RORA: variants seen among roughly 807,000 people sequenced by gnomAD.
The protein encoded by RORA is nuclear receptor ROR-alpha.
Under a neutral mutation model 69.5 loss-of-function variants are expected in RORA, and 7 were observed. That is an observed-to-expected ratio of 0.10 (90% CI 0.06 to 0.19). RORA has a LOEUF of 0.19. Among genes scored for constraint, RORA ranks in the 10% least tolerant of loss-of-function variants. The probability of loss-of-function intolerance (pLI) is 1.00; values close to 1 mark genes in which losing one functional copy is unlikely to be tolerated. For missense variants in RORA, 457 were observed against 663.0 expected (o/e 0.69, Z 3.41); for synonymous variants, 261 against 240.8 (o/e 1.08, Z -0.78).
In RORA at chr15:60,845,966, C is replaced by T. The variant is rs369730552; in HGVS notation, c.167-167280G>A. On this transcript the variant is annotated intron_variant, in intron 1 of 10. Coordinates refer to ENST00000335670, the MANE Select transcript of RORA (RefSeq NM_134261.3). ...TTCACCTTGTTAGCCAGGATGGTCT[C>T]AATCTCCTGACCTCGTGATCCGCTC... Among the ~76,000 whole-genome samples, 3 of 152,172 alleles carry T rather than the reference C, an allele frequency of 2.0e-5. No homozygotes were observed. The South Asian group carries it at 6.2e-4, about 32-fold the overall frequency.
chr15:60,704,709 C>G (rs775322670), intron 1 of RORA, among the ~76,000 whole-genome samples: 1 of 152,152 alleles, frequency 6.6e-6, no homozygotes, highest in Admixed American at 6.5e-5. Context: ...TAATCTAGGT[C>G]GGACGGGCAC....
At chr15:60,598,955 G>T (rs1003581911) in intron 2 of RORA, among the ~76,000 whole-genome samples, 3 of 152,178 alleles carry the variant, frequency 2.0e-5, no homozygotes, top group African/African-American at 7.2e-5. Flanking sequence ...CTAGTATGTC[G>T]AGAGGAAAGG....
intron 1 of RORA, among the ~76,000 whole-genome samples, chr15:60,734,598 C>A (rs2071474581): frequency 6.6e-6 from 1 of 152,180 alleles, no homozygotes; most frequent in African/African-American, 2.4e-5. Context: ...TAATGGCCCA[C>A]TGTTAGATTT....
chr15:60,548,687 G>C (rs911675662), intron 2 of RORA, among the ~76,000 whole-genome samples: 6 of 152,230 alleles, frequency 3.9e-5, no homozygotes, highest in African/African-American at 1.2e-4. Flanking sequence ...CCCCAGGCTG[G>C]AGTGCAGTGG....
At chr15:60,580,771 C>G (rs1254288300) in intron 2 of RORA, among the ~76,000 whole-genome samples, 1 of 152,184 alleles carries the variant, frequency 6.6e-6, no homozygotes, top group Non-Finnish European at 1.5e-5. Context: ...GTCTTGTGCT[C>G]CCTCTTTGAT....
At chr15:61,220,934 T>A (rs1425533449) in intron 1 of RORA, among the ~76,000 whole-genome samples, 1 of 152,028 alleles carries the variant, frequency 6.6e-6, no homozygotes, top group African/African-American at 2.4e-5. Context: ...CAGCCCCCAC[T>A]CCCCAGCCCC....
rs201659766 is a variant in RORA at position 61,053,263 on chromosome 15, A to AT, written c.166+175789dup. On this transcript the variant is annotated intron_variant, in intron 1 of 10. Coordinates refer to ENST00000335670, the MANE Select transcript of RORA (RefSeq NM_134261.3). The stretch of plus-strand genomic sequence containing the variant: ...GCATACAGCTGTCAGCTGCAAAAAC[A>AT]TTTTTTTTTTTGAACACAAAAATCA... Among the ~76,000 whole-genome samples, 794 of 148,118 alleles carry AT rather than the reference A, an allele frequency of 5.4e-3. 4 individuals carry two copies. Among genetic ancestry groups the AT allele is most frequent in the African/African-American group, 0.018 (748 of 40,514 alleles).
intron 1 of RORA, among the ~76,000 whole-genome samples, chr15:60,741,075 A>C (rs181234467): frequency 1.3e-5 from 2 of 152,356 alleles, no homozygotes; most frequent in Admixed American, 1.3e-4. Context: ...CCCATGCTCC[A>C]AGTCAGTGAT....
At chr15:60,594,039 T>C (rs2068613808) in intron 2 of RORA, among the ~76,000 whole-genome samples, 2 of 152,204 alleles carry the variant, frequency 1.3e-5, no homozygotes, top group Admixed American at 1.3e-4. Flanking sequence ...CATGGCTTTA[T>C]AAAAGTTTGA....
At chr15:60,734,391 C>T (rs1341230678) in intron 1 of RORA, among the ~76,000 whole-genome samples, 2 of 152,164 alleles carry the variant, frequency 1.3e-5, no homozygotes, top group African/African-American at 4.8e-5. Context: ...GAAAAAACAG[C>T]TGGAGAAATC....
intron 1 of RORA, among the ~76,000 whole-genome samples, chr15:61,086,045 G>A (rs1413742770): frequency 1.3e-5 from 2 of 152,350 alleles, no homozygotes; most frequent in East Asian, 1.9e-4. Flanking sequence ...CTCACACATT[G>A]TGTAAAGAGG....
intron 1 of RORA, among the ~76,000 whole-genome samples, chr15:61,164,886 T>C (rs1237216666): frequency 6.6e-6 from 1 of 152,150 alleles, no homozygotes; most frequent in African/African-American, 2.4e-5. Context: ...ACCACAAAAT[T>C]GCAAGTGCCC....
At chr15:60,607,931 C>T (rs2068989953) in intron 2 of RORA, among the ~76,000 whole-genome samples, 1 of 152,234 alleles carries the variant, frequency 6.6e-6, no homozygotes, top group South Asian at 2.1e-4. Context: ...TAAAAGTATG[C>T]TTTATCCATG....
chr15:61,162,719 A>G (rs2079506301), intron 1 of RORA, among the ~76,000 whole-genome samples: 1 of 152,240 alleles, frequency 6.6e-6, no homozygotes, highest in Non-Finnish European at 1.5e-5. Context: ...AGTTAGCAAA[A>G]GAGCCGAGAC....
At chr15:60,957,846 C>A (rs565043375) in intron 1 of RORA, among the ~76,000 whole-genome samples, 1 of 152,130 alleles carries the variant, frequency 6.6e-6, no homozygotes, top group Non-Finnish European at 1.5e-5. Context: ...AATACTTGGT[C>A]CCCAAATATA....
chr15:60,622,619 C>T (rs1056057976), intron 2 of RORA, among the ~76,000 whole-genome samples: 3 of 152,104 alleles, frequency 2.0e-5, no homozygotes, highest in Non-Finnish European at 4.4e-5. Context: ...ATGAGCCAGA[C>T]CCGGTCTCAA....
chr15:61,159,338 C>T (rs2079473998), intron 1 of RORA, among the ~76,000 whole-genome samples: 1 of 152,176 alleles, frequency 6.6e-6, no homozygotes, highest in Non-Finnish European at 1.5e-5. Context: ...ATTAAGCCAT[C>T]ATTTAACCTG....
chr15:61,209,588 T>A (rs1400349597), intron 1 of RORA, among the ~76,000 whole-genome samples: 1 of 152,228 alleles, frequency 6.6e-6, no homozygotes, highest in African/African-American at 2.4e-5. Context: ...TGTGATGGTA[T>A]TAGAAGGTGG....
At chr15:60,833,935 G>C (rs1197821475) in intron 1 of RORA, among the ~76,000 whole-genome samples, 1 of 152,138 alleles carries the variant, frequency 6.6e-6, no homozygotes, top group Non-Finnish European at 1.5e-5. Flanking sequence ...GAGGTTGTGA[G>C]AACTGGACAC....
Sources: allele counts gnomAD v4.1 joint callset (sites outside exome capture counted in the v4.1 genomes callset), GRCh38; gene constraint gnomAD v4.1.1; transcripts MANE v1.5; gene names NCBI Gene and HGNC (gene_info 2026-07-23, HGNC 2026-07-21).